Variants in PCDHA7 observed in about 807,000 individuals in gnomAD.
The protein encoded by PCDHA7 is protocadherin alpha 7.
Under a neutral mutation model 57.2 loss-of-function variants are expected in PCDHA7, and 37 were observed. The observed-to-expected ratio is 0.65, with a 90% CI of 0.50 to 0.85. PCDHA7 has a LOEUF of 0.85. Among genes scored for constraint, PCDHA7 ranks in the 40% least tolerant of loss-of-function variants. The probability of loss-of-function intolerance (pLI) is 0.00; values close to 1 mark genes in which losing one functional copy is unlikely to be tolerated. For synonymous variants in PCDHA7, 553 were observed against 558.8 expected (o/e 0.99, Z 0.15); for missense variants, 1,188 against 1,241.8 (o/e 0.96, Z 0.65).
intron 1 of PCDHA7, chr5:140,851,866 C>T (rs1486270411): frequency 2.0e-6 from 2 of 976,572 alleles, no homozygotes; most frequent in South Asian, 9.5e-5. Flanking sequence ...TCATACATAA[C>T]ACAAGGCAGA....
intron 1 of PCDHA7, among the ~76,000 whole-genome samples, chr5:140,965,879 G>A (rs920261632): frequency 6.6e-6 from 1 of 152,216 alleles, no homozygotes; most frequent in Non-Finnish European, 1.5e-5. Flanking sequence ...ACTTGGCCGA[G>A]AGCAGAATTG....
At chr5:140,873,752 C>T (rs2054472285) in intron 1 of PCDHA7, among the ~76,000 whole-genome samples, 1 of 152,154 alleles carries the variant, frequency 6.6e-6, no homozygotes, top group Non-Finnish European at 1.5e-5. Flanking sequence ...TCTCCACCTC[C>T]CATGTTCAAG....
At chr5:140,870,505 C>T in intron 1 of PCDHA7, 1 of 1,614,220 alleles carries the variant, frequency 6.2e-7, no homozygotes, top group Non-Finnish European at 8.5e-7. Context: ...GGAGAACAAC[C>T]CACCAGGCTG....
At chr5:140,886,759 G>A (rs541111444) in intron 1 of PCDHA7, among the ~76,000 whole-genome samples, 221 of 150,566 alleles carry the variant, frequency 1.5e-3, no homozygotes, top group Non-Finnish European at 2.7e-3. Flanking sequence ...CCGGGAGGTG[G>A]AGGTTGCAGT....
chr5:140,895,070 C>G (rs2064827781), intron 1 of PCDHA7, among the ~76,000 whole-genome samples: 1 of 152,106 alleles, frequency 6.6e-6, no homozygotes, highest in African/African-American at 2.4e-5. Context: ...GACTCAATTC[C>G]TATCAGTTCC....
intron 3 of PCDHA7, chr5:140,988,770 G>A (rs1388594585): frequency 6.6e-6 from 1 of 152,168 alleles, no homozygotes; most frequent in African/African-American, 2.4e-5. Flanking sequence ...TACAGTCATG[G>A]TTAAGACCAT....
At chr5:140,956,924 G>A (rs2095321295) in intron 1 of PCDHA7, among the ~76,000 whole-genome samples, 2 of 151,898 alleles carry the variant, frequency 1.3e-5, no homozygotes, top group Non-Finnish European at 2.9e-5. Flanking sequence ...TAATCTTGCT[G>A]GATATAGGAT....
At position 140,835,711 on chromosome 5, in the gene PCDHA7, T is replaced by A; in HGVS notation, c.1328T>A (p.Val443Glu). The change falls in exon 1 of 4, where the codon GTG (valine) becomes GAG (glutamate). Residue 443 changes from valine to glutamate, a missense_variant. Val to Glu is a moderately radical substitution (Grantham distance 121, BLOSUM62 -2). Around this residue, in one of 3 missense-constraint regions of PCDHA7, gnomAD observed 892 missense variants for 788.5 expected, o/e 1.13. Transcript: ENST00000525929. ...PSLWATASVS[V>E]EVADVNDNAP... ...CTGTGGGCCACTGCTAGCGTGTCCGTGGAGGTGGCCGACGTGAACGACAAC... is the reference window on the plus strand; with the variant it reads ...CTGTGGGCCACTGCTAGCGTGTCCGAGGAGGTGGCCGACGTGAACGACAAC... 1 of 1,613,776 alleles carries A rather than the reference T, an allele frequency of 6.2e-7. No homozygotes were observed. Among genetic ancestry groups the A allele is most frequent in the Non-Finnish European group, 8.5e-7 (1 of 1,179,844 alleles).
intron 1 of PCDHA7, among the ~76,000 whole-genome samples, chr5:140,904,695 G>A (rs1276696069): frequency 2.0e-5 from 3 of 152,024 alleles, no homozygotes; most frequent in Admixed American, 2.0e-4. Flanking sequence ...GTGTAAAATT[G>A]TTCCCTTTTC....
chr5:141,002,923 C>T (rs1261794185), intron 3 of PCDHA7, among the ~76,000 whole-genome samples: 6 of 152,220 alleles, frequency 3.9e-5, no homozygotes, highest in African/African-American at 1.2e-4. Flanking sequence ...AAAGTGAACA[C>T]CCTCCAACAC....
At chr5:140,879,201 G>A (rs2057895897) in intron 1 of PCDHA7, among the ~76,000 whole-genome samples, 1 of 152,164 alleles carries the variant, frequency 6.6e-6, no homozygotes, top group Non-Finnish European at 1.5e-5. Context: ...TTAAATTATG[G>A]CAGTAGAAAT....
intron 1 of PCDHA7, chr5:140,967,010 C>G: frequency 6.2e-7 from 1 of 1,606,340 alleles, no homozygotes. Flanking sequence ...CATCAACCAT[C>G]TGGGTGCGCC....
At chr5:140,861,094 C>G (rs1554154151) in intron 1 of PCDHA7, 1 of 152,400 alleles carries the variant, frequency 6.6e-6, no homozygotes, top group African/African-American at 2.4e-5. Context: ...CTCCATTGTT[C>G]CTGTACTTTA....
intron 1 of PCDHA7, chr5:140,926,825 G>GT (rs1175916332): frequency 1.3e-6 from 2 of 1,499,578 alleles, no homozygotes; most frequent in Non-Finnish European, 1.8e-6. Flanking sequence ...CTCTCCAGGA[G>GT]TCCGGAGCAT....
At chr5:140,911,818 A>T (rs1472874528) in intron 1 of PCDHA7, among the ~76,000 whole-genome samples, 2 of 152,210 alleles carry the variant, frequency 1.3e-5, no homozygotes, top group African/African-American at 2.4e-5. Flanking sequence ...CCTTCTCCAG[A>T]AACCCCAAAA....
chr5:140,871,382 A>C (rs781900960), intron 1 of PCDHA7: 1 of 1,614,070 alleles, frequency 6.2e-7, no homozygotes, highest in South Asian at 1.1e-5. Context: ...GTGTGCTCTG[A>C]GGAGGGCCCA....
At chr5:140,945,155 A>G (rs566867183) in intron 1 of PCDHA7, among the ~76,000 whole-genome samples, 22 of 152,284 alleles carry the variant, frequency 1.4e-4, no homozygotes, top group African/African-American at 5.3e-4. Context: ...TCTATACACT[A>G]TTGAACTATC....
intron 1 of PCDHA7, among the ~76,000 whole-genome samples, chr5:140,941,231 C>CTTTCTTTCTTTCTTTCTT (rs2092927472): frequency 2.2e-5 from 3 of 136,876 alleles, no homozygotes; most frequent in African/African-American, 8.3e-5. Context: ...TTCTTTCTTT[C>CTTTCTTTCTTTCTTTCTT]TTTCTTTCTT....
chr5:140,842,533 C>T, intron 1 of PCDHA7: 2 of 1,613,062 alleles, frequency 1.2e-6, no homozygotes, highest in Non-Finnish European at 1.7e-6. Context: ...TCAAGAATTA[C>T]TACTCGTTGG....
Sources: allele counts gnomAD v4.1 joint callset (sites outside exome capture counted in the v4.1 genomes callset), GRCh38; gene constraint gnomAD v4.1.1; regional missense constraint gnomAD v4.1.1; transcripts MANE v1.5; gene names NCBI Gene and HGNC (gene_info 2026-07-23, HGNC 2026-07-21).